The following RAB39A variants were observed in gnomAD, a reference collection of about 807,000 sequenced individuals.
RAB39A encodes ras-related protein Rab-39A.
A neutral mutation model predicts 20.9 loss-of-function variants in RAB39A; 17 were observed. That is an observed-to-expected ratio of 0.81 (90% confidence interval 0.56 to 1.22). RAB39A has a LOEUF of 1.22. RAB39A is among the 50% of genes most tolerant of loss of function. RAB39A has a pLI of 0.00. For synonymous variants in RAB39A, 99 were observed against 103.4 expected (o/e 0.96, Z 0.26); for missense variants, 234 against 270.5 (o/e 0.87, Z 0.95).
intron 1 of RAB39A, among the ~76,000 whole-genome samples, chr11:107,936,122 AT>A (rs1289087658): frequency 6.6e-6 from 1 of 151,860 alleles, no homozygotes; most frequent in African/African-American, 2.4e-5. Context: ...CTGGTCTCGA[AT>A]TCCTGACCTC....
Position 107,962,580 on chromosome 11 carries a change from G to T in RAB39A, c.*208G>T. 2.2e-6 allele frequency: 1 copy of T among 453,516 alleles called. No homozygotes were observed. Among genetic ancestry groups the T allele is most frequent in the Non-Finnish European group, 3.8e-6 (1 of 263,098 alleles). 28.1% of individuals were successfully genotyped at this position (453,516 alleles called of 1,614,324 possible). The stretch of plus-strand genomic sequence containing the variant: ...TTTTGCTAAATTACCAAGCAAAGCA[G>T]ACAATCTTTTTCTTGAAATTACCTC... On this transcript the variant is annotated 3_prime_UTR_variant, in exon 2 of 2. Coordinates refer to ENST00000320578, the MANE Select transcript of RAB39A (RefSeq NM_017516.3).
At chr11:107,944,559 GTAT>G (rs1861290644) in intron 1 of RAB39A, among the ~76,000 whole-genome samples, 1 of 151,920 alleles carries the variant, frequency 6.6e-6, no homozygotes, top group Admixed American at 6.6e-5. Flanking sequence ...GCTAATTTTT[GTAT>G]TTTTAGTAGA....
intron 1 of RAB39A, among the ~76,000 whole-genome samples, chr11:107,934,374 C>G (rs1861170729): frequency 6.6e-6 from 1 of 152,082 alleles, no homozygotes; most frequent in Non-Finnish European, 1.5e-5. Context: ...GTCGAGGCTT[C>G]TGTGAGCTAT....
At position 107,963,043 on chromosome 11, in the gene RAB39A, G is replaced by T. The variant is rs962301022; in HGVS notation, c.*671G>T. On this transcript the variant is annotated 3_prime_UTR_variant, in exon 2 of 2. Coordinates refer to ENST00000320578, the MANE Select transcript of RAB39A (RefSeq NM_017516.3). ...AATATTTGTAAAATTAAAAACGGAG[G>T]ACCGCTCACCAAATGTTTGAAATGT... The T allele has an allele frequency of 6.6e-6, 1 of 151,360 alleles. No individual in the cohort carries two copies. The highest frequency in any genetic ancestry group is 2.4e-5 in the African/African-American group (1 of 41,160). The allele number at this position is 151,360 out of a possible 1,614,324, so 9.4% of individuals were successfully genotyped here. A position where few individuals can be genotyped will look rare whatever the true frequency, so the allele number is the denominator to read the frequency against.
chr11:107,950,482 A>C (rs1861366312), intron 1 of RAB39A, among the ~76,000 whole-genome samples: 1 of 151,720 alleles, frequency 6.6e-6, no homozygotes, highest in Non-Finnish European at 1.5e-5. Flanking sequence ...TAAAAGAAAA[A>C]AAGTCTGGGC....
At chr11:107,950,377 G>A (rs1861365409) in intron 1 of RAB39A, among the ~76,000 whole-genome samples, 1 of 152,106 alleles carries the variant, frequency 6.6e-6, no homozygotes, top group Non-Finnish European at 1.5e-5. Context: ...AGCTAATGAG[G>A]TATGAACATA....
intron 1 of RAB39A, among the ~76,000 whole-genome samples, chr11:107,945,905 T>G (rs1261203261): frequency 5.9e-5 from 9 of 152,176 alleles, no homozygotes; most frequent in Non-Finnish European, 1.2e-4. Context: ...TGTTGGATGC[T>G]AAAACTGTCT....
intron 1 of RAB39A, among the ~76,000 whole-genome samples, chr11:107,931,982 C>T (rs150768123): frequency 0.066 from 10,009 of 151,300 alleles, 364 homozygotes; most frequent in African/African-American, 0.1. Context: ...GCCTCAGCCT[C>T]CCAAGTGGCT....
At chr11:107,937,351 G>T (rs1861205304) in intron 1 of RAB39A, among the ~76,000 whole-genome samples, 1 of 151,884 alleles carries the variant, frequency 6.6e-6, no homozygotes, top group Non-Finnish European at 1.5e-5. Flanking sequence ...TATTGCCCAG[G>T]CTGGTTTTGA....
chr11:107,959,642 A>C (rs112901452), intron 1 of RAB39A, among the ~76,000 whole-genome samples: 3 of 152,252 alleles, frequency 2.0e-5, no homozygotes, highest in African/African-American at 7.2e-5. Flanking sequence ...ACAGGGAAGC[A>C]GGAGAAATAG....
chr11:107,941,831 G>A (rs537042830), intron 1 of RAB39A, among the ~76,000 whole-genome samples: 4 of 152,088 alleles, frequency 2.6e-5, no homozygotes, highest in East Asian at 1.9e-4. Flanking sequence ...AGTGGCTCAC[G>A]CCTGTAATCC....
At chr11:107,945,592 A>G (rs1042139742) in intron 1 of RAB39A, among the ~76,000 whole-genome samples, 1 of 152,110 alleles carries the variant, frequency 6.6e-6, no homozygotes, top group Admixed American at 6.5e-5. Context: ...ACCCAACCCA[A>G]TGTATACTGT....
chr11:107,958,044 A>G (rs1407724511), intron 1 of RAB39A, among the ~76,000 whole-genome samples: 1 of 151,916 alleles, frequency 6.6e-6, no homozygotes, highest in African/African-American at 2.4e-5. Context: ...GGCATGCACC[A>G]CCATGCCTGG....
chr11:107,951,967 T>C (rs781387721), intron 1 of RAB39A, among the ~76,000 whole-genome samples: 4 of 152,194 alleles, frequency 2.6e-5, no homozygotes, highest in Non-Finnish European at 4.4e-5. Context: ...CCCCAATAGA[T>C]CATTCACACT....
chr11:107,944,636 C>T (rs1001919995), intron 1 of RAB39A, among the ~76,000 whole-genome samples: 1 of 152,064 alleles, frequency 6.6e-6, no homozygotes, highest in Non-Finnish European at 1.5e-5. Flanking sequence ...CTGCCCGCCT[C>T]AGCCTCCCAA....
At chr11:107,942,014 G>T (rs577431797) in intron 1 of RAB39A, among the ~76,000 whole-genome samples, 1 of 145,856 alleles carries the variant, frequency 6.9e-6, no homozygotes, top group African/African-American at 2.5e-5. Context: ...CAGGAGAATC[G>T]CTTAAACCTG....
chr11:107,929,207 C>A (rs1453284786), intron 1 of RAB39A, among the ~76,000 whole-genome samples: 1 of 152,194 alleles, frequency 6.6e-6, no homozygotes. Context: ...GCCCCTTTTC[C>A]TACCCTAACC....
intron 1 of RAB39A, 121 bp from the exon 2 acceptor site, chr11:107,961,825 T>C (rs1197798991): frequency 2.4e-6 from 2 of 832,150 alleles, no homozygotes; most frequent in African/African-American, 1.7e-5. Flanking sequence ...ATATTTTATT[T>C]ATAAATTCTA....
intron 1 of RAB39A, among the ~76,000 whole-genome samples, chr11:107,940,937 C>G (rs114472683): frequency 0.021 from 3,213 of 152,084 alleles, 122 homozygotes; most frequent in African/African-American, 0.073. Context: ...CACGCCACTG[C>G]CTTCCAGCCA....
Sources: allele counts gnomAD v4.1 joint callset (sites outside exome capture counted in the v4.1 genomes callset), GRCh38; gene constraint gnomAD v4.1.1; transcripts MANE v1.5; gene names NCBI Gene and HGNC (gene_info 2026-07-23, HGNC 2026-07-21).